Variants in SVOP observed in about 807,000 individuals in gnomAD.
The protein encoded by SVOP is synaptic vesicle 2-related protein.
A neutral mutation model predicts 69.1 loss-of-function variants in SVOP; 17 were observed. The ratio of observed to expected loss-of-function variants is 0.25; its 90% confidence interval spans 0.17 to 0.37. The LOEUF is 0.37. SVOP is among the 10% of genes least tolerant of loss of function. The pLI is 1.00. For missense variants in SVOP, 435 were observed against 597.5 expected (o/e 0.73, Z 2.84); for synonymous variants, 238 against 238.6 (o/e 1.00, Z 0.02).
chr12:108,939,838 T>G (rs1214946849), intron 8 of SVOP, among the ~76,000 whole-genome samples: 7 of 152,216 alleles, frequency 4.6e-5, no homozygotes, highest in Non-Finnish European at 7.3e-5. Flanking sequence ...AGACTATTCC[T>G]GGCCAAGGTA....
chr12:109,011,978 G>A (rs2040344086), intron 1 of SVOP, among the ~76,000 whole-genome samples: 2 of 151,768 alleles, frequency 1.3e-5, no homozygotes, highest in East Asian at 1.9e-4. Context: ...GGGAGTTGCT[G>A]CAGGTAAAAA....
intron 5 of SVOP, among the ~76,000 whole-genome samples, chr12:108,963,492 T>C (rs1011037897): frequency 2.0e-5 from 3 of 150,672 alleles, no homozygotes; most frequent in African/African-American, 7.5e-5. Context: ...TTTGTATTTA[T>C]TTATTTTTTT....
intron 6 of SVOP, among the ~76,000 whole-genome samples, chr12:108,959,351 C>CTTTTTTTT (rs36192896): frequency 9.4e-6 from 1 of 106,696 alleles, no homozygotes; most frequent in Non-Finnish European, 2.0e-5. Flanking sequence ...GCTTTTAATT[C>CTTTTTTTT]TTTTTTTTTT....
At chr12:109,020,757 C>CCCT (rs1555254164) in intron 1 of SVOP, 77 bp downstream of exon 1, 5 of 287,322 alleles carry the variant, frequency 1.7e-5, no homozygotes, top group East Asian at 2.8e-4. Context: ...GAGATGTACC[C>CCCT]CCCCCCACCC....
chr12:109,011,996 A>G (rs918146552), intron 1 of SVOP, among the ~76,000 whole-genome samples: 2 of 151,932 alleles, frequency 1.3e-5, no homozygotes, highest in Non-Finnish European at 2.9e-5. Context: ...AAAAAATTTC[A>G]GTTAGGCTGG....
chr12:108,946,004 G>C (rs1354372676), intron 6 of SVOP, among the ~76,000 whole-genome samples: 1 of 152,158 alleles, frequency 6.6e-6, no homozygotes, highest in African/African-American at 2.4e-5. Context: ...CCAATATCCT[G>C]TTCCCCATAG....
intron 8 of SVOP, among the ~76,000 whole-genome samples, chr12:108,939,973 CTTGCCAACCAGAAAAGTCAT>C (rs1220244402): frequency 6.6e-6 from 1 of 152,190 alleles, no homozygotes; most frequent in Admixed American, 6.5e-5. Flanking sequence ...CAGAATTCCA[CTTGCCAACCAGAAAAGTCAT>C]TCTGAACTAT....
intron 3 of SVOP, among the ~76,000 whole-genome samples, 200 bp from the exon 4 acceptor site, chr12:108,977,696 C>A (rs530982075): frequency 5.9e-5 from 9 of 152,262 alleles, no homozygotes; most frequent in African/African-American, 1.9e-4. Flanking sequence ...GACAAATAGA[C>A]ATTTTATATT....
chr12:108,944,534 TG>T (rs2039911626), intron 7 of SVOP, among the ~76,000 whole-genome samples: 1 of 152,146 alleles, frequency 6.6e-6, no homozygotes, highest in Admixed American at 6.5e-5. Flanking sequence ...ATTCTGCCAC[TG>T]TGTGGAGGGG....
chr12:108,911,044 G>T lies in SVOP; in HGVS notation c.*1491C>A, dbSNP rs898554255. ...CCCTGCCTTCACCATGGGAAAAAAG[G>T]CTCCAGTAAACCAAATCCCAGAAGT... On this transcript the variant is annotated 3_prime_UTR_variant, in exon 16 of 16. Coordinates refer to ENST00000610966, the MANE Select transcript of SVOP (RefSeq NM_018711.5). 6.6e-6 allele frequency: 1 copy of T among 152,164 alleles called. No homozygotes were observed. Among genetic ancestry groups the T allele is most frequent in the African/African-American group, 2.4e-5 (1 of 41,418 alleles). 9.4% of individuals were successfully genotyped at this position (152,164 alleles called of 1,614,324 possible). A position where few individuals can be genotyped will look rare whatever the true frequency, so the allele number is the denominator to read the frequency against.
intron 7 of SVOP, among the ~76,000 whole-genome samples, chr12:108,941,286 G>A (rs1243036231): frequency 5.3e-5 from 8 of 151,420 alleles, no homozygotes; most frequent in South Asian, 2.1e-4. Flanking sequence ...ACAGTGTCCC[G>A]ATCATGGCTC....
intron 15 of SVOP, 34 bp downstream of exon 15, chr12:108,915,749 C>A: frequency 6.4e-7 from 1 of 1,568,370 alleles, no homozygotes; most frequent in East Asian, 2.4e-5. Context: ...GTTTTGTCAC[C>A]CCCCATCCCT....
Position 108,972,486 on chromosome 12 carries a change from G to C in SVOP, c.382-10C>G. ...TGCCTACAAAGACCACCTGTGGGGG[G>C]AAAGACAGTTGTCATTAGACAGAGG... is the stretch of plus-strand genomic sequence containing the variant. On this transcript the variant is annotated splice_polypyrimidine_tract_variant and intron_variant, in intron 4 of 15. Coordinates refer to ENST00000610966, the MANE Select transcript of SVOP (RefSeq NM_018711.5). 6.5e-7 allele frequency: 1 copy of C among 1,537,166 alleles called. No individual in the cohort carries two copies. The highest frequency in any genetic ancestry group is 1.7e-4 in the Middle Eastern group (1 of 5,986).
At chr12:108,919,348 C>A (rs1336552207) in intron 13 of SVOP, among the ~76,000 whole-genome samples, 2 of 151,644 alleles carry the variant, frequency 1.3e-5, no homozygotes, top group African/African-American at 2.4e-5. Flanking sequence ...TGCACCTATA[C>A]CTGCACCCAC....
chr12:108,982,874 ATCAC>A (rs2040147721), intron 2 of SVOP, among the ~76,000 whole-genome samples: 1 of 142,372 alleles, frequency 7.0e-6, no homozygotes, highest in African/African-American at 2.6e-5. Context: ...CATCATCATC[ATCAC>A]TATCATCATC....
chr12:108,917,839 T>A (rs1313365059), intron 14 of SVOP, among the ~76,000 whole-genome samples: 2 of 151,808 alleles, frequency 1.3e-5, no homozygotes, highest in Non-Finnish European at 2.9e-5. Context: ...AGAGAGAGGG[T>A]CTTGCTATGT....
intron 1 of SVOP, among the ~76,000 whole-genome samples, 160 bp downstream of exon 1, chr12:109,020,673 GA>G (rs1397351663): frequency 6.6e-6 from 1 of 151,482 alleles, no homozygotes; most frequent in Non-Finnish European, 1.5e-5. Flanking sequence ...GCTGGGGAAA[GA>G]AAATGGCTTG....
intron 1 of SVOP, among the ~76,000 whole-genome samples, chr12:108,999,241 C>G (rs1354810040): frequency 7.3e-6 from 1 of 136,380 alleles, no homozygotes; most frequent in Non-Finnish European, 1.6e-5. Flanking sequence ...GTAAAGGGAT[C>G]AATTCAACAA....
At chr12:108,953,878 G>A (rs960378050) in intron 6 of SVOP, among the ~76,000 whole-genome samples, 6 of 151,998 alleles carry the variant, frequency 3.9e-5, no homozygotes, top group Non-Finnish European at 8.8e-5. Flanking sequence ...TTGGGAGGCT[G>A]AGGCAGGCGA....
Sources: gnomAD v4.1 joint callset for allele counts (sites outside exome capture counted in the v4.1 genomes callset) on GRCh38, gnomAD v4.1.1 for gene constraint, MANE v1.5 for transcripts, NCBI Gene and HGNC (gene_info 2026-07-23, HGNC 2026-07-21) for gene names.